Variants in EPB42 observed in about 807,000 individuals in gnomAD.
EPB42 encodes the protein erythrocyte membrane protein band 4.2.
EPB42 carries 49 observed loss-of-function variants against 76.9 expected under a neutral mutation model. The observed-to-expected ratio is 0.64, with a 90% CI of 0.51 to 0.81. EPB42 has a LOEUF of 0.81. Among genes scored for constraint, EPB42 ranks in the 30% least tolerant of loss-of-function variants. The pLI, the probability that EPB42 is intolerant of heterozygous loss-of-function variation, is 0.00. For synonymous variants in EPB42, 310 were observed against 338.4 expected, an observed-to-expected ratio of 0.92 and a Z score of 0.92; for missense variants, 731 against 867.6, an observed-to-expected ratio of 0.84 and a Z score of 1.98.
chr15:43,220,660 A>G, intron 1 of EPB42, 156 bp downstream of exon 1: 1 of 138,560 alleles, frequency 7.2e-6, no homozygotes, highest in Non-Finnish European at 1.3e-5. Flanking sequence ...CCCCCCCCCC[A>G]CAGCCACCTC....
At position 43,206,659 on chromosome 15, in the gene EPB42, T is replaced by C; in HGVS notation, c.1319-30A>G. ...AGAAGGGAAGAAACAAAGCTGACCT[T>C]TTACCCGGGTGGTATAAATGCTTCT... On this transcript the variant is annotated intron_variant, in intron 9 of 12. Coordinates refer to ENST00000441366, the MANE Select transcript of EPB42 (RefSeq NM_001114134.2). This position sits in a 1 kb window ranked among gnomAD's most constrained non-coding sequence, Gnocchi z 4.7. The C allele has an allele frequency of 6.2e-7, 1 of 1,613,486 alleles. No individual in the cohort carries two copies. The highest frequency in any genetic ancestry group is 8.5e-7 in the Non-Finnish European group (1 of 1,179,564).
At chr15:43,197,537 C>A in intron 12 of EPB42, 73 bp from the exon 13 acceptor site, 1 of 1,570,434 alleles carries the variant, frequency 6.4e-7, no homozygotes, top group Non-Finnish European at 8.7e-7. Flanking sequence ...TGACTTTGAT[C>A]CTTCCTTGCT....
intron 12 of EPB42, 59 bp downstream of exon 12, chr15:43,201,785 C>A (rs1222066724): frequency 1.2e-6 from 2 of 1,611,634 alleles, no homozygotes; most frequent in African/African-American, 2.7e-5. Flanking sequence ...CTCTCTTGGG[C>A]CCTGCCTTTC....
intron 1 of EPB42, among the ~76,000 whole-genome samples, chr15:43,218,935 C>T (rs149282568): frequency 4.6e-5 from 7 of 152,082 alleles, no homozygotes; most frequent in African/African-American, 1.2e-4. Context: ...TGTGTTAACC[C>T]GGAGATCATG....
At chr15:43,222,487 T>G (rs2042471583), upstream of EPB42, among the ~76,000 whole-genome samples, 2 of 152,244 alleles carry the variant, frequency 1.3e-5, no homozygotes, top group Admixed American at 1.3e-4. Context: ...CACCATCCTG[T>G]GTAGGACAAC....
In EPB42 at chr15:43,215,278, T is replaced by C. The variant is rs2042360497; in HGVS notation, c.247A>G (p.Ser83Gly). The change falls in exon 3 of 13, where the codon AGT becomes GGT. Residue 83 changes from serine to glycine, a missense_variant. Transcript: ENST00000441366. ...CTCCACCACTTTCGGTCCCCCAGAC[T>C]GGAAATTGGGAATGTGGCTTGGGTC... ...NRTQATFPIS[S>G]LGDRKWWSAV... The C allele has an allele frequency of 8.1e-6, 13 of 1,614,210 alleles. No homozygotes were observed. The highest frequency in any genetic ancestry group is 1.0e-5 in the Non-Finnish European group (12 of 1,180,046).
chr15:43,224,063 G>A (rs1236518517), upstream of EPB42, among the ~76,000 whole-genome samples: 6 of 152,182 alleles, frequency 3.9e-5, no homozygotes, highest in Non-Finnish European at 8.8e-5. Context: ...TAGTCAGACT[G>A]GGTGGCTTAA....
chr15:43,218,523 C>A (rs2042411262), intron 1 of EPB42, among the ~76,000 whole-genome samples: 1 of 152,178 alleles, frequency 6.6e-6, no homozygotes, highest in African/African-American at 2.4e-5. Context: ...CCATTTGATA[C>A]CCATCACCTG....
At chr15:43,209,686 C>A (rs1444080190) in intron 5 of EPB42, 5 of 511,162 alleles carry the variant, frequency 9.8e-6, no homozygotes, top group African/African-American at 7.7e-5. Flanking sequence ...CTGGCTCCAG[C>A]CACAAAGAGG....
chr15:43,201,296 A>T (rs1353582424), intron 12 of EPB42, among the ~76,000 whole-genome samples: 1 of 152,214 alleles, frequency 6.6e-6, no homozygotes. Flanking sequence ...ATAAATCTTA[A>T]CATAGTTCTG....
chr15:43,206,297 CG>C lies in EPB42; in HGVS notation c.1618+32del. On this transcript the variant is annotated intron_variant, in intron 10 of 12. Coordinates refer to ENST00000441366, the MANE Select transcript of EPB42 (RefSeq NM_001114134.2). The surrounding 1 kb of genome is among the most constrained non-coding windows in gnomAD (Gnocchi z 4.7). ...GCAGGGGCCATGTGTGTGTGTGTGTCGGGGGGTGTCTGGTGGGGCCATAGAG... is the reference window on the plus strand; with the variant it reads ...GCAGGGGCCATGTGTGTGTGTGTGTCGGGGGTGTCTGGTGGGGCCATAGAG... The C allele has an allele frequency of 6.3e-6, 10 of 1,575,422 alleles. No individual in the cohort carries two copies. The highest frequency in any genetic ancestry group is 1.2e-5 in the South Asian group (1 of 85,614).
intron 12 of EPB42, among the ~76,000 whole-genome samples, chr15:43,198,875 C>T (rs959089909): frequency 1.3e-5 from 2 of 152,220 alleles, no homozygotes; most frequent in Non-Finnish European, 2.9e-5. Flanking sequence ...AAGGGGCCAA[C>T]ATACCGCTTG....
intron 3 of EPB42, among the ~76,000 whole-genome samples, chr15:43,212,665 G>A (rs1253110182): frequency 1.3e-5 from 2 of 152,180 alleles, no homozygotes; most frequent in Non-Finnish European, 2.9e-5. Context: ...TTTCTGCCCC[G>A]GGGGTGTCCA....
chr15:43,215,573 G>C (rs2042365824), intron 2 of EPB42, among the ~76,000 whole-genome samples: 1 of 152,070 alleles, frequency 6.6e-6, no homozygotes, highest in African/African-American at 2.4e-5. Context: ...TGGTCCATGG[G>C]AGGACTGAAT....
intron 8 of EPB42, 44 bp from the exon 9 acceptor site, chr15:43,207,485 C>CCT: frequency 6.2e-7 from 1 of 1,608,622 alleles, no homozygotes; most frequent in South Asian, 1.1e-5. Flanking sequence ...TGCGCCTAGA[C>CCT]CTCTGCTCAG....
At chr15:43,204,990 A>G (rs945441849) in intron 10 of EPB42, among the ~76,000 whole-genome samples, 3 of 128,438 alleles carry the variant, frequency 2.3e-5, no homozygotes, top group Middle Eastern at 4.1e-3. Context: ...AAAGTTCCCA[A>G]GATGACTCAA....
Position 43,206,008 on chromosome 15 carries a change from T to G in EPB42, c.1618+322A>C. On this transcript the variant is annotated intron_variant, in intron 10 of 12. Coordinates refer to ENST00000441366, the MANE Select transcript of EPB42 (RefSeq NM_001114134.2). This position sits in a 1 kb window ranked among gnomAD's most constrained non-coding sequence, Gnocchi z 4.7. Reference sequence around the variant, plus strand: ...CCTTCCAGATTCCATGCAGTACAATTTATTTGGGGGCAGCTTATTCCAGCC... The same window carrying G: ...CCTTCCAGATTCCATGCAGTACAATGTATTTGGGGGCAGCTTATTCCAGCC... 3.7e-6 allele frequency: 1 copy of G among 271,922 alleles called. No individual in the cohort carries two copies. The highest frequency in any genetic ancestry group is 7.0e-6 in the Non-Finnish European group (1 of 142,656). The allele number at this position is 271,922 out of a possible 1,614,324, so 16.8% of individuals were successfully genotyped here. A position where few individuals can be genotyped will look rare whatever the true frequency, so the allele number is the denominator to read the frequency against.
intron 1 of EPB42, 161 bp downstream of exon 1, chr15:43,220,655 C>CA: frequency 4.0e-6 from 4 of 999,082 alleles, no homozygotes; most frequent in Non-Finnish European, 5.9e-6. Flanking sequence ...CCACACCCCC[C>CA]CCCCACAGCC....
Position 43,206,186 on chromosome 15 carries a change from G to T in EPB42, c.1618+144C>A. On this transcript the variant is annotated intron_variant, in intron 10 of 12. Transcript: ENST00000441366. The surrounding 1 kb of genome is among the most constrained non-coding windows in gnomAD (Gnocchi z 4.7). ...ATAAATATGTGTTGAATGAATGAAT[G>T]AGAGAGAACATGAGAGTGAGCAGCA... The T allele has an allele frequency of 1.2e-6, 1 of 828,672 alleles. No individual in the cohort carries two copies. Among genetic ancestry groups the T allele is most frequent in the Non-Finnish European group, 1.8e-6 (1 of 550,546 alleles). The allele number at this position is 828,672 out of a possible 1,614,324, so 51.3% of individuals were successfully genotyped here. A position where few individuals can be genotyped will look rare whatever the true frequency, so the allele number is the denominator to read the frequency against.
Sources: gnomAD v4.1 joint callset for allele counts (sites outside exome capture counted in the v4.1 genomes callset) on GRCh38, gnomAD v4.1.1 for gene constraint, Gnocchi (gnomAD v3.1) non-coding constraint, MANE v1.5 for transcripts, NCBI Gene and HGNC (gene_info 2026-07-23, HGNC 2026-07-21) for gene names.